The following TRAPPC9 variants were observed in gnomAD, a reference collection of about 807,000 sequenced individuals.
TRAPPC9 encodes the protein trafficking protein particle complex subunit 9.
A neutral mutation model predicts 124.0 loss-of-function variants in TRAPPC9; 83 were observed. The ratio of observed to expected loss-of-function variants is 0.67; its 90% CI spans 0.56 to 0.80. TRAPPC9 has a LOEUF of 0.80. Among genes scored for constraint, TRAPPC9 ranks in the 30% least tolerant of loss-of-function variants. The pLI is 0.00. For missense variants in TRAPPC9, 1,302 were observed against 1,508.3 expected (o/e 0.86, Z 2.27); for synonymous variants, 638 against 617.5 (o/e 1.03, Z -0.49).
At chr8:140,227,768 A>G (rs2063488204) in intron 16 of TRAPPC9, among the ~76,000 whole-genome samples, 1 of 152,248 alleles carries the variant, frequency 6.6e-6, no homozygotes, top group Admixed American at 6.5e-5. Context: ...CTCAGTGCAC[A>G]CCATCCAACT....
chr8:139,818,117 C>T (rs1586912760), intron 21 of TRAPPC9, among the ~76,000 whole-genome samples: 2 of 152,306 alleles, frequency 1.3e-5, no homozygotes, highest in East Asian at 3.9e-4. Context: ...GTCATTTGCC[C>T]TTGGCTAGTT....
intron 19 of TRAPPC9, among the ~76,000 whole-genome samples, chr8:139,987,574 C>A (rs1418698332): frequency 6.6e-6 from 1 of 151,814 alleles, no homozygotes; most frequent in Non-Finnish European, 1.5e-5. Context: ...AGAGAAAGAT[C>A]TGGGGCAAAT....
chr8:140,123,705 A>G (rs1201231707), intron 17 of TRAPPC9, among the ~76,000 whole-genome samples: 1 of 152,250 alleles, frequency 6.6e-6, no homozygotes, highest in Non-Finnish European at 1.5e-5. Context: ...CTGTCTTCCC[A>G]GGAAAACTAT....
chr8:140,393,576 GA>G (rs980144275), intron 7 of TRAPPC9, among the ~76,000 whole-genome samples: 4 of 151,908 alleles, frequency 2.6e-5, no homozygotes, highest in African/African-American at 9.7e-5. Context: ...TCCGTAAAAC[GA>G]AAAAACCCTT....
At chr8:139,741,036 A>G (rs1818518528) in intron 21 of TRAPPC9, among the ~76,000 whole-genome samples, 1 of 152,116 alleles carries the variant, frequency 6.6e-6, no homozygotes. Context: ...GACCCCAATG[A>G]GCCCCAAGAG....
intron 17 of TRAPPC9, among the ~76,000 whole-genome samples, chr8:140,074,450 G>C (rs1430971126): frequency 6.6e-6 from 1 of 152,218 alleles, no homozygotes; most frequent in Non-Finnish European, 1.5e-5. Flanking sequence ...CCAAAAGGGA[G>C]GCCACTTCAT....
intron 15 of TRAPPC9, among the ~76,000 whole-genome samples, chr8:140,260,741 G>C (rs2064385309): frequency 6.6e-6 from 1 of 152,180 alleles, no homozygotes; most frequent in South Asian, 2.1e-4. Flanking sequence ...AAAAGTCAGA[G>C]AGTTTAAGCA....
chr8:139,983,855 C>A (rs1027381566), intron 19 of TRAPPC9, among the ~76,000 whole-genome samples: 2 of 152,196 alleles, frequency 1.3e-5, no homozygotes, highest in African/African-American at 4.8e-5. Context: ...GGATGTCAGA[C>A]AGACGGGGTT....
chr8:139,909,309 A>G (rs1439174019), intron 20 of TRAPPC9, among the ~76,000 whole-genome samples: 1 of 152,140 alleles, frequency 6.6e-6, no homozygotes. Context: ...ATAAACTTCT[A>G]TCTACTTCTA....
intron 21 of TRAPPC9, among the ~76,000 whole-genome samples, chr8:139,790,503 G>A (rs1822585428): frequency 6.6e-6 from 1 of 152,212 alleles, no homozygotes. Flanking sequence ...GCAGGCTCTG[G>A]GCACTGACTG....
intron 17 of TRAPPC9, among the ~76,000 whole-genome samples, chr8:140,189,895 C>T (rs182522054): frequency 2.0e-5 from 3 of 152,302 alleles, no homozygotes; most frequent in African/African-American, 7.2e-5. Context: ...CAGCAGCAGC[C>T]ACATATGCCA....
intron 15 of TRAPPC9, among the ~76,000 whole-genome samples, chr8:140,264,206 A>G (rs1007558569): frequency 1.3e-5 from 2 of 151,890 alleles, no homozygotes; most frequent in African/African-American, 2.4e-5. Flanking sequence ...TCATTACCGA[A>G]CCCCTCGGGT....
At chr8:140,073,756 T>C (rs1324663534) in intron 17 of TRAPPC9, among the ~76,000 whole-genome samples, 2 of 152,196 alleles carry the variant, frequency 1.3e-5, no homozygotes, top group Non-Finnish European at 2.9e-5. Flanking sequence ...GTGACCTGGG[T>C]AGGGATGATA....
rs375457391 is a variant in TRAPPC9, at chr8:140,311,330, A to T, written c.1540T>A (p.Cys514Ser). Reference protein sequence around the residue: ...AQSLENYTSKCPGTMEPIALP... With the variant: ...AQSLENYTSKSPGTMEPIALP... ...GCGATGGGCTCCATGGTCCCAGGAC[A>T]CTTGGACGTATAGTTCTCTAGGCTT... Residue 514 changes from cysteine to serine, a missense_variant, in exon 10 of 23, where the codon TGT becomes AGT. Cys to Ser is a moderately radical substitution (Grantham distance 112). Coordinates refer to ENST00000438773, the MANE Select transcript of TRAPPC9 (RefSeq NM_001160372.4). 12 of 1,613,938 alleles carry T rather than the reference A, an allele frequency of 7.4e-6. No homozygotes were observed. Among genetic ancestry groups the T allele is most frequent in the African/African-American group, 1.3e-5 (1 of 74,952 alleles).
chr8:140,186,889 A>G (rs1007294174), intron 17 of TRAPPC9, among the ~76,000 whole-genome samples: 43 of 152,326 alleles, frequency 2.8e-4, no homozygotes, highest in African/African-American at 1.0e-3. Context: ...TTTTGAATCA[A>G]GCAAATCAAT....
At chr8:139,988,314 T>C (rs1837387935) in intron 19 of TRAPPC9, among the ~76,000 whole-genome samples, 1 of 152,026 alleles carries the variant, frequency 6.6e-6, no homozygotes, top group African/African-American at 2.4e-5. Context: ...GGTTTCACCA[T>C]GTTGGCCAGG....
rs1316229753 is a variant in TRAPPC9 at position 139,961,472 on chromosome 8, CCCACCCTACTGGGCAGGG to C, written c.2810+27236_2810+27253del. ...CCTGCTCTACGGAGCAGGCAAGAGC[CCCACCCTACTGGGCAGGG>C]CTACAGCCACTGAAACTGCAGCTAT... On this transcript the variant is annotated intron_variant, in intron 19 of 22. Coordinates refer to ENST00000438773, the MANE Select transcript of TRAPPC9 (RefSeq NM_001160372.4). 3.4e-4 allele frequency among the ~76,000 whole-genome samples: 42 copies of C among 123,606 alleles called. 8 individuals are homozygous for C. The East Asian group carries it at 4.1e-3, about 12-fold the overall frequency. The allele number at this position is 123,606 out of a possible 152,430, so 81.1% of individuals were successfully genotyped here.
intron 21 of TRAPPC9, among the ~76,000 whole-genome samples, chr8:139,734,712 GCAAGCTCACAAT>G (rs1317413999): frequency 8.5e-5 from 13 of 152,334 alleles, no homozygotes; most frequent in African/African-American, 3.1e-4. Context: ...CCACTGTTGA[GCAAGCTCACAAT>G]CCAGTGGGAG....
intron 21 of TRAPPC9, among the ~76,000 whole-genome samples, chr8:139,815,895 A>T (rs1824797733): frequency 6.6e-6 from 1 of 151,982 alleles, no homozygotes; most frequent in Admixed American, 6.6e-5. Context: ...GAGCTCACTG[A>T]CTCTTCACAG....
Sources: gnomAD v4.1 joint callset for allele counts (sites outside exome capture counted in the v4.1 genomes callset) on GRCh38, gnomAD v4.1.1 for gene constraint, MANE v1.5 for transcripts, NCBI Gene and HGNC (gene_info 2026-07-23, HGNC 2026-07-21) for gene names.